SPOCK1: variants seen among roughly 807,000 people sequenced by gnomAD.
SPOCK1 encodes testican-1.
SPOCK1 carries 23 observed loss-of-function variants against 55.3 expected under a neutral mutation model. The observed-to-expected ratio is 0.42, with a 90% confidence interval of 0.30 to 0.59. The LOEUF is 0.59. SPOCK1 is among the 20% of genes least tolerant of loss of function. The pLI is 0.22. For synonymous variants in SPOCK1, 226 were observed against 221.0 expected (o/e 1.02, Z -0.20); for missense variants, 499 against 552.5 (o/e 0.90, Z 0.97).
intron 2 of SPOCK1, among the ~76,000 whole-genome samples, chr5:137,354,370 C>G (rs556429755): frequency 1.3e-5 from 2 of 152,264 alleles, no homozygotes; most frequent in Non-Finnish European, 2.9e-5. Context: ...CACCTCAAAC[C>G]TGGCTCCCAC....
intron 2 of SPOCK1, among the ~76,000 whole-genome samples, chr5:137,482,264 T>A (rs974433404): frequency 6.6e-6 from 1 of 152,120 alleles, no homozygotes; most frequent in Non-Finnish European, 1.5e-5. Flanking sequence ...AACATCCAAA[T>A]AGAGCAGAGG....
In SPOCK1 at chr5:137,462,221, T is replaced by C. The variant is rs548248106; in HGVS notation, c.186+36152A>G. On this transcript the variant is annotated intron_variant, in intron 2 of 10. Coordinates refer to ENST00000394945, the MANE Select transcript of SPOCK1 (RefSeq NM_004598.4). Reference sequence around the variant, plus strand: ...TTTATTTTCTTTTATTTTTCACTGATAGAATTTCCCATTGTTTCTAGCATG... The same window carrying C: ...TTTATTTTCTTTTATTTTTCACTGACAGAATTTCCCATTGTTTCTAGCATG... Among the ~76,000 whole-genome samples, 275 of 152,184 alleles carry C rather than the reference T, an allele frequency of 1.8e-3. 1 individual carries two copies. Among genetic ancestry groups the C allele is most frequent in the Non-Finnish European group, 3.5e-3 (239 of 68,028 alleles).
intron 2 of SPOCK1, among the ~76,000 whole-genome samples, chr5:137,366,602 C>A (rs926184483): frequency 2.0e-5 from 3 of 152,220 alleles, no homozygotes; most frequent in African/African-American, 7.2e-5. Context: ...ACCCCACCCA[C>A]TATGGTGTAG....
intron 10 of SPOCK1, among the ~76,000 whole-genome samples, 192 bp from the exon 11 acceptor site, chr5:136,979,036 C>A: frequency 6.6e-6 from 1 of 152,148 alleles, no homozygotes; most frequent in Admixed American, 6.5e-5. Flanking sequence ...CCCTAGAATT[C>A]TTGAGATGCT....
At chr5:137,394,543 A>T (rs1395135116) in intron 2 of SPOCK1, among the ~76,000 whole-genome samples, 1 of 152,216 alleles carries the variant, frequency 6.6e-6, no homozygotes, top group Non-Finnish European at 1.5e-5. Context: ...CTTCATCAGC[A>T]TTAGTGCTGG....
At chr5:137,331,070 C>T (rs1015028322) in intron 2 of SPOCK1, among the ~76,000 whole-genome samples, 1 of 152,172 alleles carries the variant, frequency 6.6e-6, no homozygotes, top group Non-Finnish European at 1.5e-5. Context: ...ACTTCCTGGG[C>T]ATCCACTGTG....
At chr5:137,420,912 C>G (rs1752478345) in intron 2 of SPOCK1, among the ~76,000 whole-genome samples, 1 of 152,130 alleles carries the variant, frequency 6.6e-6, no homozygotes, top group Admixed American at 6.5e-5. Flanking sequence ...TAGATCTTTC[C>G]TGCTTTCTCT....
chr5:137,451,812 G>T (rs180942478), intron 2 of SPOCK1, among the ~76,000 whole-genome samples: 1 of 152,254 alleles, frequency 6.6e-6, no homozygotes, highest in Non-Finnish European at 1.5e-5. Context: ...ATTTACATTT[G>T]TATCCTTCAG....
intron 5 of SPOCK1, among the ~76,000 whole-genome samples, chr5:137,086,338 G>A (rs1340658456): frequency 6.6e-6 from 1 of 152,180 alleles, no homozygotes; most frequent in Non-Finnish European, 1.5e-5. Context: ...GCTAGAAACT[G>A]GACAAGGACA....
At chr5:137,293,715 C>A (rs1259559557) in intron 2 of SPOCK1, among the ~76,000 whole-genome samples, 39 of 152,346 alleles carry the variant, frequency 2.6e-4, no homozygotes, top group African/African-American at 9.1e-4. Flanking sequence ...CAGCGCCATC[C>A]AATAAAACTT....
intron 2 of SPOCK1, among the ~76,000 whole-genome samples, chr5:137,434,471 CT>C (rs1252617574): frequency 8.2e-5 from 5 of 61,022 alleles, no homozygotes; most frequent in South Asian, 5.5e-4. Context: ...TTCTCCATTT[CT>C]TTTTTTTCTT....
intron 6 of SPOCK1, among the ~76,000 whole-genome samples, chr5:137,044,951 T>C (rs1294729806): frequency 3.5e-5 from 5 of 142,514 alleles, no homozygotes; most frequent in South Asian, 2.4e-4. Context: ...ATTTCATCCA[T>C]GTCCCTACAA....
chr5:137,136,876 A>C (rs968733101), intron 4 of SPOCK1, among the ~76,000 whole-genome samples: 1 of 152,148 alleles, frequency 6.6e-6, no homozygotes, highest in African/African-American at 2.4e-5. Context: ...AAGAATTTCC[A>C]AAGAGAATTC....
intron 2 of SPOCK1, among the ~76,000 whole-genome samples, chr5:137,441,292 C>G (rs749504602): frequency 2.0e-5 from 3 of 152,150 alleles, no homozygotes; most frequent in Non-Finnish European, 4.4e-5. Context: ...AGAAAAATCA[C>G]CAGGGTATGA....
chr5:137,208,564 G>A (rs1464944974), intron 3 of SPOCK1, among the ~76,000 whole-genome samples: 2 of 152,196 alleles, frequency 1.3e-5, no homozygotes, highest in African/African-American at 4.8e-5. Flanking sequence ...CAGCAACATG[G>A]ATGCAGCTGG....
chr5:137,425,227 A>G (rs1752584055), intron 2 of SPOCK1, among the ~76,000 whole-genome samples: 1 of 152,146 alleles, frequency 6.6e-6, no homozygotes, highest in Admixed American at 6.5e-5. Flanking sequence ...ACTTATTACT[A>G]ATGTACTTAT....
At chr5:136,984,394 G>GTATTAAATAATTCTGTATTACTGTGT (rs1369822692) in intron 9 of SPOCK1, among the ~76,000 whole-genome samples, 5 of 152,136 alleles carry the variant, frequency 3.3e-5, no homozygotes, top group African/African-American at 1.2e-4. Flanking sequence ...GAATAATTCT[G>GTATTAAATAATTCTGTATTACTGTGT]TATTACTGTG....
intron 2 of SPOCK1, among the ~76,000 whole-genome samples, chr5:137,300,642 C>T (rs1262700144): frequency 6.6e-6 from 1 of 152,124 alleles, no homozygotes; most frequent in African/African-American, 2.4e-5. Context: ...GGAGTCTCAC[C>T]CATTCATGTG....
intron 5 of SPOCK1, among the ~76,000 whole-genome samples, chr5:137,071,186 G>C (rs1230629634): frequency 6.6e-6 from 1 of 151,864 alleles, no homozygotes; most frequent in African/African-American, 2.4e-5. Flanking sequence ...TAGAGATAGG[G>C]TCTCACTACA....
Sources: allele counts gnomAD v4.1 joint callset (sites outside exome capture counted in the v4.1 genomes callset), GRCh38; gene constraint gnomAD v4.1.1; transcripts MANE v1.5; gene names NCBI Gene and HGNC (gene_info 2026-07-23, HGNC 2026-07-21).